The following WDR7 variants were observed in gnomAD, a reference collection of about 807,000 sequenced individuals.
WDR7 encodes WD repeat domain 7, also known as WD repeat-containing protein 7.
In WDR7, 46 loss-of-function variants were observed where a neutral mutation model predicts 169.4. The ratio of observed to expected loss-of-function variants is 0.27; its 90% CI spans 0.21 to 0.35. WDR7 has a LOEUF of 0.35. WDR7 is among the 10% of genes least tolerant of loss of function. The pLI is 1.00. For synonymous variants in WDR7, 612 were observed against 666.8 expected, an observed-to-expected ratio of 0.92 and a Z score of 1.27; for missense variants, 1,534 against 1,859.3, an observed-to-expected ratio of 0.83 and a Z score of 3.22.
At chr18:56,964,724 A>G (rs767715592) in intron 26 of WDR7, among the ~76,000 whole-genome samples, 1 of 151,744 alleles carries the variant, frequency 6.6e-6, no homozygotes, top group South Asian at 2.1e-4. Flanking sequence ...ATTTTTTCCT[A>G]CCTCATCTTC....
intron 19 of WDR7, among the ~76,000 whole-genome samples, chr18:56,800,872 C>T (rs1426074741): frequency 6.6e-6 from 1 of 152,128 alleles, no homozygotes; most frequent in African/African-American, 2.4e-5. Context: ...ACCCTGGTTC[C>T]TTTTAATGGA....
chr18:56,914,995 T>A (rs1242703972), intron 21 of WDR7, among the ~76,000 whole-genome samples: 1 of 152,230 alleles, frequency 6.6e-6, no homozygotes, highest in Non-Finnish European at 1.5e-5. Flanking sequence ...AGCTAACTAC[T>A]TTGAAGACTG....
chr18:56,772,865 A>T (rs1207411492), intron 16 of WDR7, among the ~76,000 whole-genome samples: 2 of 152,128 alleles, frequency 1.3e-5, no homozygotes, highest in Non-Finnish European at 2.9e-5. Flanking sequence ...TGGTAAAGCA[A>T]GAAATTGCAG....
rs1256507873 is a variant in WDR7, at chr18:56,781,612, C to T, written c.3146C>T (p.Ala1049Val). ...GCAGGCAGGAAGGAAGCCATTGATG[C>T]CTGGGCTCCTTACTTACCTCAGTAC... ...EQAGRKEAID[A>V]WAPYLPQYID... Residue 1049 changes from alanine (A) to valine (V), a missense_variant, in exon 19 of 28, where the codon GCC (alanine) becomes GTC (valine). By Grantham distance (64) the Ala-to-Val change is moderately conservative (BLOSUM62 0). Transcript: ENST00000254442. 1.2e-6 allele frequency: 2 copies of T among 1,612,640 alleles called. No individual in the cohort carries two copies. Among genetic ancestry groups the T allele is most frequent in the Non-Finnish European group, 8.5e-7 (1 of 1,179,322 alleles).
downstream of WDR7, chr18:57,032,844 T>TATATATACAC (rs1464286392): frequency 6.5e-5 from 8 of 123,744 alleles, no homozygotes; most frequent in African/African-American, 2.3e-4. Flanking sequence ...TATATATATA[T>TATATATACAC]ACAGTGTAAT....
chr18:56,818,164 A>G (rs910309142), intron 20 of WDR7, among the ~76,000 whole-genome samples: 2 of 152,212 alleles, frequency 1.3e-5, no homozygotes, highest in African/African-American at 4.8e-5. Context: ...CCAATCTATA[A>G]AAAGTAGTTG....
At chr18:56,858,639 T>A (rs1339058313) in intron 20 of WDR7, among the ~76,000 whole-genome samples, 1 of 152,170 alleles carries the variant, frequency 6.6e-6, no homozygotes, top group Non-Finnish European at 1.5e-5. Flanking sequence ...TAGCTTTAGT[T>A]CCCACTTACT....
At chr18:56,867,523 A>G (rs2045899496) in intron 20 of WDR7, among the ~76,000 whole-genome samples, 1 of 152,184 alleles carries the variant, frequency 6.6e-6, no homozygotes, top group Admixed American at 6.5e-5. Context: ...TAATGATTCA[A>G]ATCATTGGGA....
At chr18:56,939,173 T>C in intron 24 of WDR7, 138 bp from the exon 25 acceptor site, 1 of 549,748 alleles carries the variant, frequency 1.8e-6, no homozygotes, top group Non-Finnish European at 3.0e-6. Context: ...ATGGCTTAAA[T>C]TGCTTTTGTT....
At chr18:57,016,062 C>T (rs542187906) in intron 26 of WDR7, among the ~76,000 whole-genome samples, 3 of 152,244 alleles carry the variant, frequency 2.0e-5, no homozygotes, top group African/African-American at 7.2e-5. Flanking sequence ...TTGTGTTTTT[C>T]GAGATTTCAG....
At chr18:56,724,105 G>A (rs557851902) in intron 13 of WDR7, among the ~76,000 whole-genome samples, 44 of 145,666 alleles carry the variant, frequency 3.0e-4, no homozygotes, top group African/African-American at 8.6e-4. Flanking sequence ...TTTTAATGCC[G>A]TTGTCTTCAA....
At chr18:56,743,294 C>T (rs2043647956) in intron 14 of WDR7, among the ~76,000 whole-genome samples, 1 of 152,078 alleles carries the variant, frequency 6.6e-6, no homozygotes, top group African/African-American at 2.4e-5. Context: ...AAACTTGAGG[C>T]AGGGCTGTGG....
intron 20 of WDR7, among the ~76,000 whole-genome samples, chr18:56,844,372 A>C (rs942073775): frequency 1.3e-5 from 2 of 152,104 alleles, no homozygotes; most frequent in African/African-American, 2.4e-5. Flanking sequence ...TATTAGAATA[A>C]ATTTTTCCTC....
intron 26 of WDR7, among the ~76,000 whole-genome samples, chr18:56,967,181 G>C (rs926404531): frequency 6.6e-6 from 1 of 151,532 alleles, no homozygotes; most frequent in Non-Finnish European, 1.5e-5. Flanking sequence ...TCAATAGGGA[G>C]CGCTTGGGTG....
At chr18:56,875,070 G>A (rs1214861531) in intron 20 of WDR7, among the ~76,000 whole-genome samples, 2 of 152,074 alleles carry the variant, frequency 1.3e-5, no homozygotes, top group Non-Finnish European at 2.9e-5. Flanking sequence ...GTGCCTTTCA[G>A]CACAGCTAAA....
At chr18:56,857,998 T>TA (rs2045748582) in intron 20 of WDR7, among the ~76,000 whole-genome samples, 2 of 152,274 alleles carry the variant, frequency 1.3e-5, no homozygotes, top group African/African-American at 2.4e-5. Flanking sequence ...TTTTCCTTGT[T>TA]ACACTCATCA....
chr18:56,834,446 C>T lies in WDR7; in HGVS notation c.3304+18302C>T, dbSNP rs530342061. On this transcript the variant is annotated intron_variant, in intron 20 of 27. Coordinates refer to ENST00000254442, the MANE Select transcript of WDR7 (RefSeq NM_015285.3). ...TTGTGGGGCTCACTGCTTGCAATTT[C>T]GTTCCTTCCATATTTTGCTTGTTTT... 5.9e-5 allele frequency among the ~76,000 whole-genome samples: 9 copies of T among 152,044 alleles called. No individual in the cohort carries two copies. The South Asian group carries it at 1.5e-3, about 25-fold the overall frequency.
intron 21 of WDR7, among the ~76,000 whole-genome samples, chr18:56,886,298 A>T (rs1171508911): frequency 6.6e-6 from 1 of 152,166 alleles, no homozygotes; most frequent in Non-Finnish European, 1.5e-5. Context: ...AGCCCTAAAA[A>T]CCAGAAGGGA....
intron 22 of WDR7, among the ~76,000 whole-genome samples, chr18:56,928,344 A>C (rs2046835277): frequency 6.6e-6 from 1 of 152,110 alleles, no homozygotes; most frequent in Non-Finnish European, 1.5e-5. Flanking sequence ...GTGTACCTGT[A>C]GTCCCAGCTA....
Sources: allele counts gnomAD v4.1 joint callset (sites outside exome capture counted in the v4.1 genomes callset), GRCh38; gene constraint gnomAD v4.1.1; transcripts MANE v1.5; gene names NCBI Gene and HGNC (gene_info 2026-07-23, HGNC 2026-07-21).